The following HIBCH variants were observed in gnomAD, a reference collection of about 807,000 sequenced individuals.
HIBCH encodes 3-hydroxyisobutyryl-CoA hydrolase, mitochondrial.
A neutral mutation model predicts 58.2 loss-of-function variants in HIBCH; 50 were observed. That is an observed-to-expected ratio of 0.86 (90% confidence interval 0.68 to 1.09). The LOEUF is 1.09. Ranked by LOEUF, HIBCH falls within the 50% of genes least tolerant of loss-of-function variation. HIBCH has a pLI of 0.00. For synonymous variants in HIBCH, 151 were observed against 146.9 expected, an observed-to-expected ratio of 1.03 and a Z score of -0.20; for missense variants, 450 against 449.7, an observed-to-expected ratio of 1.00 and a Z score of -0.01.
At chr2:190,287,706 A>AC (rs911423752) in intron 5 of HIBCH, 68 bp from the exon 6 acceptor site, 2 of 1,186,318 alleles carry the variant, frequency 1.7e-6, no homozygotes, top group African/African-American at 3.1e-5. Flanking sequence ...TTAAAAAAAA[A>AC]CCCACATTAT....
intron 1 of HIBCH, among the ~76,000 whole-genome samples, chr2:190,191,973 CTAGTT>C (rs1689731412): frequency 6.7e-6 from 1 of 150,350 alleles, no homozygotes; most frequent in South Asian, 2.1e-4. Context: ...TTGATTCAGT[CTAGTT>C]TACCAGTTTT....
At chr2:190,190,037 G>GC (rs1219465009) in intron 1 of HIBCH, 1 of 152,152 alleles carries the variant, frequency 6.6e-6, no homozygotes, top group Admixed American at 6.5e-5. Flanking sequence ...GGATTTAGGT[G>GC]CCCCAGAATG....
chr2:190,287,856 G>C (rs559152709), intron 5 of HIBCH, among the ~76,000 whole-genome samples: 5 of 151,980 alleles, frequency 3.3e-5, no homozygotes, highest in African/African-American at 1.2e-4. Flanking sequence ...CTTAACCTTC[G>C]ATTTTAAACA....
intron 7 of HIBCH, among the ~76,000 whole-genome samples, chr2:190,258,357 A>G (rs1686986878): frequency 6.6e-6 from 1 of 152,172 alleles, no homozygotes; most frequent in Non-Finnish European, 1.5e-5. Context: ...CTTTATAGCA[A>G]TGTGAGAATG....
At chr2:190,290,578 G>T in intron 4 of HIBCH, 93 bp from the exon 5 acceptor site, 2 of 820,292 alleles carry the variant, frequency 2.4e-6, no homozygotes, top group South Asian at 2.9e-5. Flanking sequence ...AATACTGGGG[G>T]AAGGGAGTAC....
At chr2:190,194,483 C>T (rs2353886) in intron 1 of HIBCH, among the ~76,000 whole-genome samples, 5 of 116,222 alleles carry the variant, frequency 4.3e-5, no homozygotes, top group African/African-American at 1.5e-4. Context: ...TGTATACACA[C>T]ACACACACAC....
intron 11 of HIBCH, among the ~76,000 whole-genome samples, chr2:190,238,318 T>C (rs188839878): frequency 6.6e-6 from 1 of 152,358 alleles, no homozygotes; most frequent in Non-Finnish European, 1.5e-5. Context: ...TTTCTCTGCA[T>C]CCTTGCCAGT....
chr2:190,279,794 GT>G lies in HIBCH; in HGVS notation c.438+7791del, dbSNP rs2105974053. 2 of 210,906 alleles carry G rather than the reference GT, an allele frequency of 9.5e-6. No individual in the cohort carries two copies. Among genetic ancestry groups the G allele is most frequent in the South Asian group, 8.2e-5 (1 of 12,192 alleles). 13.1% of individuals were successfully genotyped at this position (210,906 alleles called of 1,614,324 possible). The stretch of plus-strand genomic sequence containing the variant: ...CTGTTCCTCTTCCTTATTTGGAGGT[GT>G]TTTTACCTTTCTCAGCATTCCACAA... On this transcript the variant is annotated intron_variant, in intron 6 of 13. Transcript: ENST00000359678. The surrounding 1 kb of genome is among the most constrained non-coding windows in gnomAD (Gnocchi z 4.2).
At chr2:190,251,354 G>A (rs1686760533) in intron 8 of HIBCH, 2 of 210,582 alleles carry the variant, frequency 9.5e-6, no homozygotes, top group South Asian at 6.3e-5. Flanking sequence ...GCATTACCTA[G>A]GATAGGCCAG....
At chr2:190,287,058 G>GTGTGTGTGTGTGTA (rs10662510) in intron 6 of HIBCH, among the ~76,000 whole-genome samples, 5,998 of 147,576 alleles carry the variant, frequency 0.041, 187 homozygotes, top group African/African-American at 0.073. Context: ...GTGTGTGTGT[G>GTGTGTGTGTGTGTA]TATACATATA....
In HIBCH at chr2:190,279,232, C is replaced by T. The variant is rs565576579; in HGVS notation, c.438+8354G>A. Among the ~76,000 whole-genome samples, 8 of 152,254 alleles carry T rather than the reference C, an allele frequency of 5.3e-5. No individual in the cohort carries two copies. The South Asian group carries it at 1.7e-3, about 32-fold the overall frequency. ...CCATGAATGGATCAAACTACTCTACCCTCATGACCCCATCACCTCTTGAAG... is the reference window on the plus strand; with the variant it reads ...CCATGAATGGATCAAACTACTCTACTCTCATGACCCCATCACCTCTTGAAG... On this transcript the variant is annotated intron_variant, in intron 6 of 13. Transcript: ENST00000359678. The surrounding 1 kb of genome is among the most constrained non-coding windows in gnomAD (Gnocchi z 4.2).
intron 11 of HIBCH, among the ~76,000 whole-genome samples, chr2:190,227,574 T>C (rs983883778): frequency 2.0e-5 from 3 of 151,768 alleles, no homozygotes; most frequent in Admixed American, 6.6e-5. Context: ...ACAAATGGGA[T>C]CTAATTAAAC....
At position 190,211,579 on chromosome 2, in the gene HIBCH, G is replaced by C. The variant is rs1315021623; in HGVS notation, c.1011+1377C>G. On this transcript the variant is annotated intron_variant, in intron 12 of 13. Transcript: ENST00000359678. The surrounding 1 kb of genome is among the most constrained non-coding windows in gnomAD (Gnocchi z 5.0). ...CAACATACTCCTTTCTCATCCTTTA[G>C]GTCACAAATGAAGTGACATCACAAA... Among the ~76,000 whole-genome samples the C allele has an allele frequency of 6.6e-6, 1 of 152,008 alleles. No homozygotes were observed. Among genetic ancestry groups the C allele is most frequent in the Non-Finnish European group, 1.5e-5 (1 of 68,014 alleles).
At chr2:190,280,491 A>T (rs781520839) in intron 6 of HIBCH, among the ~76,000 whole-genome samples, 3 of 152,220 alleles carry the variant, frequency 2.0e-5, no homozygotes, top group African/African-American at 2.4e-5. Context: ...CCCAGTAGAC[A>T]GAAAACACCT....
intron 7 of HIBCH, among the ~76,000 whole-genome samples, chr2:190,253,597 T>C (rs1002560565): frequency 6.6e-6 from 1 of 152,130 alleles, no homozygotes; most frequent in African/African-American, 2.4e-5. Context: ...TGACCACATC[T>C]TATTGATTTT....
At chr2:190,298,381 GTTC>G (rs140157030) in intron 2 of HIBCH, among the ~76,000 whole-genome samples, 18,438 of 152,134 alleles carry the variant, frequency 0.12, 1,540 homozygotes, top group Non-Finnish European at 0.19. Context: ...GCGTAAAAGC[GTTC>G]TTATTTCTCC....
At chr2:190,199,728 G>A, downstream of HIBCH, 5 of 1,488,964 alleles carry the variant, frequency 3.4e-6, no homozygotes, top group South Asian at 2.8e-5. Flanking sequence ...TGGTGAAAGG[G>A]AACATTGATT....
chr2:190,283,525 A>G (rs1283416465), intron 6 of HIBCH, among the ~76,000 whole-genome samples: 3 of 152,226 alleles, frequency 2.0e-5, no homozygotes, highest in African/African-American at 7.2e-5. Context: ...GCTGAGAATT[A>G]AAAACAAAAT....
chr2:190,217,820 G>A lies in HIBCH; in HGVS notation c.892-4745C>T, dbSNP rs182233786. ...GAACCGGGGTGAGCACATTACACTCGGGTCAAGAGACTGGTAAAAGAACCC... is the reference window on the plus strand; with the variant it reads ...GAACCGGGGTGAGCACATTACACTCAGGTCAAGAGACTGGTAAAAGAACCC... On this transcript the variant is annotated intron_variant, in intron 11 of 13. Transcript: ENST00000359678. The surrounding 1 kb of genome is among the most constrained non-coding windows in gnomAD (Gnocchi z 4.6). Among the ~76,000 whole-genome samples, 1 of 152,122 alleles carries A rather than the reference G, an allele frequency of 6.6e-6. No homozygotes were observed. Among genetic ancestry groups the A allele is most frequent in the East Asian group, 1.9e-4 (1 of 5,158 alleles).
Sources: gnomAD v4.1 joint callset for allele counts (sites outside exome capture counted in the v4.1 genomes callset) on GRCh38, gnomAD v4.1.1 for gene constraint, Gnocchi (gnomAD v3.1) non-coding constraint, MANE v1.5 for transcripts, NCBI Gene and HGNC (gene_info 2026-07-23, HGNC 2026-07-21) for gene names.